PXDNL: variants seen among roughly 807,000 people sequenced by gnomAD.
The protein encoded by PXDNL is probable oxidoreductase PXDNL.
PXDNL carries 145 observed loss-of-function variants against 150.8 expected under a neutral mutation model. That is an observed-to-expected ratio of 0.96 (90% CI 0.84 to 1.10). The LOEUF is 1.10. PXDNL is among the 50% of genes least tolerant of loss of function. PXDNL has a pLI of 0.00. For missense variants in PXDNL, 2,087 were observed against 1,873.9 expected, an observed-to-expected ratio of 1.11 and a Z score of -2.10; for synonymous variants, 757 against 725.7, an observed-to-expected ratio of 1.04 and a Z score of -0.69.
chr8:51,479,799 C>T (rs967565307), intron 6 of PXDNL, among the ~76,000 whole-genome samples: 1 of 152,034 alleles, frequency 6.6e-6, no homozygotes, highest in African/African-American at 2.4e-5. Flanking sequence ...CACTAAAAAC[C>T]CAGACTTCAC....
chr8:51,453,630 ACGTTGCCACG>A lies in PXDNL; in HGVS notation c.1128_1137del (p.Val377ProfsTer34). On this transcript the variant is annotated frameshift_variant, in exon 10 of 23. Coordinates refer to ENST00000356297, the MANE Select transcript of PXDNL (RefSeq NM_144651.5). LOFTEE classifies it high-confidence loss of function. ...ATGTTCTGTAAGTAAAGTCCACTGG[ACGTTGCCACG>A]TGCCTGGATCCATCCAGCTCCAATC... is the stretch of plus-strand genomic sequence containing the variant. 1.2e-6 allele frequency: 2 copies of A among 1,613,976 alleles called. No individual in the cohort carries two copies. Among genetic ancestry groups the A allele is most frequent in the South Asian group, 1.1e-5 (1 of 91,084 alleles).
At chr8:51,335,682 T>TACACACACAC (rs3040925) in intron 21 of PXDNL, among the ~76,000 whole-genome samples, 4,561 of 137,524 alleles carry the variant, frequency 0.033, 148 homozygotes, top group Middle Eastern at 0.085. Context: ...TTATATACCC[T>TACACACACAC]ACACACACAC....
At chr8:51,535,085 G>A (rs1246274536) in intron 4 of PXDNL, among the ~76,000 whole-genome samples, 3 of 116,378 alleles carry the variant, frequency 2.6e-5, no homozygotes, top group African/African-American at 1.3e-4. Context: ...CCCCGTCCGG[G>A]AGGGTGGTGG....
At chr8:51,378,847 G>GA (rs1554531795) in intron 17 of PXDNL, among the ~76,000 whole-genome samples, 4 of 151,860 alleles carry the variant, frequency 2.6e-5, no homozygotes, top group Non-Finnish European at 2.9e-5. Flanking sequence ...AAGAAACTCT[G>GA]AACATGTTCG....
At chr8:51,473,027 T>A (rs1026311628) in intron 7 of PXDNL, among the ~76,000 whole-genome samples, 2 of 152,334 alleles carry the variant, frequency 1.3e-5, no homozygotes, top group Admixed American at 1.3e-4. Flanking sequence ...TAACCATGAC[T>A]ATTATGTCTG....
At chr8:51,798,190 G>T (rs2037582867) in intron 1 of PXDNL, among the ~76,000 whole-genome samples, 1 of 151,984 alleles carries the variant, frequency 6.6e-6, no homozygotes, top group South Asian at 2.1e-4. Context: ...AACTCAAGAT[G>T]GATTAAAGAC....
intron 4 of PXDNL, among the ~76,000 whole-genome samples, chr8:51,537,216 G>T (rs1812097935): frequency 6.6e-6 from 1 of 152,156 alleles, no homozygotes; most frequent in South Asian, 2.1e-4. Flanking sequence ...CTCCTCCTGA[G>T]ATTCTGATTC....
chr8:51,674,762 C>T (rs890551721), intron 1 of PXDNL, among the ~76,000 whole-genome samples: 20 of 152,344 alleles, frequency 1.3e-4, no homozygotes, highest in Non-Finnish European at 2.5e-4. Flanking sequence ...CCTTCTTACA[C>T]TTTGCCATGT....
chr8:51,505,264 A>C (rs1005364987), intron 4 of PXDNL, among the ~76,000 whole-genome samples: 3 of 152,230 alleles, frequency 2.0e-5, no homozygotes, highest in African/African-American at 7.2e-5. Context: ...CATGCAGAGC[A>C]AGAACATGTG....
chr8:51,527,274 G>A (rs1379467699), intron 4 of PXDNL, among the ~76,000 whole-genome samples: 3 of 152,074 alleles, frequency 2.0e-5, no homozygotes, highest in Non-Finnish European at 2.9e-5. Context: ...TACCTCCTGC[G>A]AGGATGTTGT....
chr8:51,393,153 C>T (rs1563389325), intron 17 of PXDNL, among the ~76,000 whole-genome samples: 1 of 152,158 alleles, frequency 6.6e-6, no homozygotes, highest in Non-Finnish European at 1.5e-5. Flanking sequence ...TCCACCTTTA[C>T]TTAGAGAATG....
chr8:51,456,443 C>A (rs1276711307), intron 9 of PXDNL, among the ~76,000 whole-genome samples: 1 of 152,236 alleles, frequency 6.6e-6, no homozygotes, highest in Non-Finnish European at 1.5e-5. Context: ...TCCTCCGAGG[C>A]TGCTGCTTCA....
chr8:51,384,957 A>G (rs1026641762), intron 17 of PXDNL, among the ~76,000 whole-genome samples: 1 of 152,132 alleles, frequency 6.6e-6, no homozygotes, highest in African/African-American at 2.4e-5. Context: ...AAGAAACAGA[A>G]TAAAATCAAA....
intron 1 of PXDNL, among the ~76,000 whole-genome samples, chr8:51,768,218 C>T (rs1250758023): frequency 6.6e-6 from 1 of 151,102 alleles, no homozygotes; most frequent in Non-Finnish European, 1.5e-5. Context: ...AATTTCCAGA[C>T]TTATGATTAT....
intron 20 of PXDNL, among the ~76,000 whole-genome samples, chr8:51,342,462 GA>G (rs1325794432): frequency 6.6e-6 from 1 of 151,866 alleles, no homozygotes; most frequent in South Asian, 2.1e-4. Flanking sequence ...AATTAATCAG[GA>G]AAAATGGTTC....
At chr8:51,768,140 C>CAG (rs2037251516) in intron 1 of PXDNL, among the ~76,000 whole-genome samples, 1 of 152,208 alleles carries the variant, frequency 6.6e-6, no homozygotes, top group Admixed American at 6.5e-5. Flanking sequence ...GTGAACAAAG[C>CAG]TCACGATTCT....
intron 4 of PXDNL, among the ~76,000 whole-genome samples, chr8:51,508,449 T>C (rs1563443569): frequency 6.6e-6 from 1 of 152,204 alleles, no homozygotes; most frequent in Non-Finnish European, 1.5e-5. Flanking sequence ...TTCAGCAGCA[T>C]TGGAATGCGT....
intron 3 of PXDNL, among the ~76,000 whole-genome samples, chr8:51,591,331 T>C (rs1273272545): frequency 6.6e-6 from 1 of 152,186 alleles, no homozygotes; most frequent in African/African-American, 2.4e-5. Context: ...CAGATGGAAT[T>C]GACTAAACTA....
chr8:51,341,005 G>A lies in PXDNL; in HGVS notation c.4017-1252C>T, dbSNP rs140120409. On this transcript the variant is annotated intron_variant, in intron 20 of 22. Coordinates refer to ENST00000356297, the MANE Select transcript of PXDNL (RefSeq NM_144651.5). ...GTCAAAAGACCACACGTGGGAACAC[G>A]GGGAAGTGGCTGATGTTGGTGAGCC... Among the ~76,000 whole-genome samples the A allele has an allele frequency of 5.3e-5, 8 of 152,364 alleles. No individual in the cohort carries two copies. The East Asian group carries it at 1.4e-3, about 26-fold the overall frequency.
Sources: allele counts gnomAD v4.1 joint callset (sites outside exome capture counted in the v4.1 genomes callset), GRCh38; gene constraint gnomAD v4.1.1; transcripts MANE v1.5; gene names NCBI Gene and HGNC (gene_info 2026-07-23, HGNC 2026-07-21).